Variants in RPL31 observed in about 807,000 individuals in gnomAD.
The protein encoded by RPL31 is large ribosomal subunit protein eL31.
For missense variants in RPL31, 95 were observed against 164.0 expected (o/e 0.58, Z 2.30); for synonymous variants, 51 against 55.0 (o/e 0.93, Z 0.32).
chr2:101,005,346 T>G (rs1371825832), intron 3 of RPL31: 2 of 152,886 alleles, frequency 1.3e-5, no homozygotes, highest in Admixed American at 6.5e-5. Context: ...GGAGTTAATG[T>G]TGCCCAGGCT....
chr2:101,019,721 A>G (rs1475698839), exon 5 of RPL31: 3 of 152,254 alleles, frequency 2.0e-5, no homozygotes, highest in Non-Finnish European at 4.4e-5. Flanking sequence ...CAATGTAATT[A>G]AAATGTCTTT....
intron 1 of RPL31, 49 bp downstream of exon 1, chr2:101,002,364 C>G (rs570173418): frequency 3.7e-6 from 1 of 273,184 alleles, no homozygotes; most frequent in East Asian, 8.5e-5. Flanking sequence ...GCCCCATCCT[C>G]CTTTGGGATT....
intron 3 of RPL31, 184 bp downstream of exon 3, chr2:101,004,467 T>A (rs1678644459): frequency 8.3e-6 from 5 of 605,556 alleles, no homozygotes; most frequent in Non-Finnish European, 2.8e-6. Flanking sequence ...TTTAGTGGCT[T>A]ATGAACTGAG....
downstream of RPL31, chr2:101,008,203 T>C: frequency 6.2e-7 from 1 of 1,608,926 alleles, no homozygotes; most frequent in Non-Finnish European, 8.5e-7. Flanking sequence ...GATGGCTTGA[T>C]ACAAATCATT....
At chr2:101,016,494 A>G (rs967062477) in intron 4 of RPL31, among the ~76,000 whole-genome samples, 3 of 152,184 alleles carry the variant, frequency 2.0e-5, no homozygotes, top group Admixed American at 6.5e-5. Context: ...AACTAGTTCA[A>G]CCCTTGTGGA....
At chr2:101,008,191 G>T, downstream of RPL31, 1 of 1,612,894 alleles carries the variant, frequency 6.2e-7, no homozygotes, top group Non-Finnish European at 8.5e-7. Context: ...GGTGACTGTG[G>T]CGATGGCTTG....
downstream of RPL31, chr2:101,011,112 G>A: frequency 7.7e-7 from 1 of 1,293,960 alleles, no homozygotes; most frequent in Non-Finnish European, 1.1e-6. Flanking sequence ...AGAGGAGCAA[G>A]GGGGTGAGGA....
At chr2:101,016,196 G>C (rs1349322725) in intron 4 of RPL31, among the ~76,000 whole-genome samples, 1 of 152,104 alleles carries the variant, frequency 6.6e-6, no homozygotes, top group East Asian at 1.9e-4. Context: ...CTAATATCCA[G>C]AATCTACAGT....
intron 4 of RPL31, among the ~76,000 whole-genome samples, chr2:101,014,385 TAAACTG>T (rs1679459081): frequency 6.6e-6 from 1 of 152,226 alleles, no homozygotes. Flanking sequence ...GCTTAACTGT[TAAACTG>T]GAGCTGATAT....
At chr2:101,015,252 A>C (rs183192086) in intron 4 of RPL31, among the ~76,000 whole-genome samples, 85 of 152,312 alleles carry the variant, frequency 5.6e-4, no homozygotes, top group Non-Finnish European at 4.4e-5. Context: ...AGAAAAAAAA[A>C]TGGTATACCT....
chr2:101,018,114 A>G (rs1298571670), intron 4 of RPL31: 2 of 568,568 alleles, frequency 3.5e-6, no homozygotes, highest in Non-Finnish European at 6.2e-6. Context: ...ACTTTTTCAT[A>G]TAAAGTTTTC....
rs760009720 is a variant in RPL31, at chr2:101,018,993, G to C, written c.347-5G>C. The C allele has an allele frequency of 1.2e-6, 2 of 1,611,764 alleles. No individual in the cohort carries two copies. Among genetic ancestry groups the C allele is most frequent in the Non-Finnish European group, 1.7e-6 (2 of 1,179,102 alleles). ...ACCAAATCATCTGTAATATTTCTGT[G>C]CTAGTTTCTGTGCTAAACAGTGTTA... On this transcript the variant is annotated splice_region_variant and splice_polypyrimidine_tract_variant and intron_variant, in intron 4 of 4. Transcript: ENST00000409028.
downstream of RPL31, chr2:101,007,983 A>G (rs1021957632): frequency 6.2e-6 from 10 of 1,613,926 alleles, no homozygotes; most frequent in African/African-American, 1.2e-4. Context: ...AAGCTAAAAT[A>G]TGTTCAAGGG....
downstream of RPL31, among the ~76,000 whole-genome samples, chr2:101,012,194 ATC>A (rs1425613424): frequency 6.6e-6 from 1 of 152,236 alleles, no homozygotes; most frequent in African/African-American, 2.4e-5. Flanking sequence ...TGACTCAGAA[ATC>A]TCACTTCTAC....
At chr2:101,012,230 G>A (rs1208998795), downstream of RPL31, among the ~76,000 whole-genome samples, 2 of 152,178 alleles carry the variant, frequency 1.3e-5, no homozygotes, top group African/African-American at 4.8e-5. Context: ...AGAACTGAAA[G>A]TGTTCACATG....
At position 101,018,176 on chromosome 2, in the gene RPL31, A is replaced by C. The variant is rs1679794260; in HGVS notation, c.347-822A>C. On this transcript the variant is annotated intron_variant, in intron 4 of 4. Transcript: ENST00000409028. ...TACAGATATTGCTGTACTAATCTATAATTATGTTTTAGAATTCAAATTATA... is the reference window on the plus strand; with the variant it reads ...TACAGATATTGCTGTACTAATCTATCATTATGTTTTAGAATTCAAATTATA... 7.7e-6 allele frequency: 3 copies of C among 390,180 alleles called. No individual in the cohort carries two copies. In the South Asian group the frequency reaches 1.8e-4, roughly 23 times the overall value. The allele number at this position is 390,180 out of a possible 1,614,324, so 24.2% of individuals were successfully genotyped here.
At chr2:101,011,588 C>T (rs1194576482), downstream of RPL31, 2 of 1,587,482 alleles carry the variant, frequency 1.3e-6, no homozygotes, top group African/African-American at 2.7e-5. Flanking sequence ...TCTGCCTTAC[C>T]AAAACTGACA....
At chr2:101,004,370 A>ATT in intron 3 of RPL31, 87 bp downstream of exon 3, 1 of 1,436,434 alleles carries the variant, frequency 7.0e-7, no homozygotes, top group African/African-American at 1.4e-5. Flanking sequence ...CAGTTCAGTA[A>ATT]TTTGGTTAAT....
chr2:101,017,821 T>C (rs1371811502), intron 4 of RPL31: 3 of 1,548,828 alleles, frequency 1.9e-6, no homozygotes, highest in South Asian at 2.4e-5. Context: ...TTCATACTAA[T>C]ACTAACAGTG....
Sources: gnomAD v4.1 joint callset for allele counts (sites outside exome capture counted in the v4.1 genomes callset) on GRCh38, gnomAD v4.1.1 for gene constraint, MANE v1.5 for transcripts, NCBI Gene and HGNC (gene_info 2026-07-23, HGNC 2026-07-21) for gene names.